The following MYH10 variants were observed in gnomAD, a reference collection of about 807,000 sequenced individuals.
The protein encoded by MYH10 is myosin heavy chain 10.
In MYH10, 55 loss-of-function variants were observed where a neutral mutation model predicts 257.8. The observed-to-expected ratio is 0.21, with a 90% confidence interval of 0.17 to 0.27. The LOEUF is 0.27. MYH10 is among the 10% of genes least tolerant of loss of function. The pLI, the probability that MYH10 is intolerant of heterozygous loss-of-function variation, is 1.00. For missense variants in MYH10, 1,631 were observed against 2,500.6 expected (o/e 0.65, Z 7.42); for synonymous variants, 854 against 921.7 (o/e 0.93, Z 1.33).
At chr17:8,520,062 C>A (rs1218526834) in intron 19 of MYH10, among the ~76,000 whole-genome samples, 1 of 152,048 alleles carries the variant, frequency 6.6e-6, no homozygotes, top group Non-Finnish European at 1.5e-5. Flanking sequence ...TACACACACA[C>A]ATACAGATAT....
At chr17:8,523,271 T>C (rs2081718555) in intron 17 of MYH10, among the ~76,000 whole-genome samples, 1 of 152,244 alleles carries the variant, frequency 6.6e-6, no homozygotes, top group Non-Finnish European at 1.5e-5. Context: ...CATGTCTGCT[T>C]TGACTCAGTG....
intron 6 of MYH10, among the ~76,000 whole-genome samples, chr17:8,572,188 A>G (rs2083366459): frequency 7.1e-6 from 1 of 140,464 alleles, no homozygotes; most frequent in Non-Finnish European, 1.7e-5. Flanking sequence ...TAAAAGGATT[A>G]TTTGAGTCAA....
chr17:8,545,938 G>A lies in MYH10; in HGVS notation c.1279-338C>T, dbSNP rs1314031994. On this transcript the variant is annotated intron_variant, in intron 12 of 42. Transcript: ENST00000360416. The surrounding 1 kb of genome is among the most constrained non-coding windows in gnomAD (Gnocchi z 4.7). Reference sequence around the variant, plus strand: ...ACCCAGCACAAGGACAAGGCGGCAGGGGCCCTTGTGTTGGTCTGGTTCCCG... The same window carrying A: ...ACCCAGCACAAGGACAAGGCGGCAGAGGCCCTTGTGTTGGTCTGGTTCCCG... 2.0e-5 allele frequency among the ~76,000 whole-genome samples: 3 copies of A among 152,114 alleles called. No individual in the cohort carries two copies. Among genetic ancestry groups the A allele is most frequent in the African/African-American group, 7.2e-5 (3 of 41,414 alleles).
At position 8,501,299 on chromosome 17, in the gene MYH10, C is replaced by A. The variant is rs141025566; in HGVS notation, c.3600-329G>T. ...GTGAGACCCTATCTTTAAAAAAAAACCAAAAAAACAAACAACCAGTGCAAC... is the reference window on the plus strand; with the variant it reads ...GTGAGACCCTATCTTTAAAAAAAAAACAAAAAAACAAACAACCAGTGCAAC... On this transcript the variant is annotated intron_variant, in intron 28 of 42. Coordinates refer to ENST00000360416, the MANE Select transcript of MYH10 (RefSeq NM_001256012.3). Among the ~76,000 whole-genome samples, 14 of 151,986 alleles carry A rather than the reference C, an allele frequency of 9.2e-5. No individual in the cohort carries two copies. In the East Asian group the frequency reaches 1.2e-3, roughly 13 times the overall value.
chr17:8,549,534 C>G (rs935989511), intron 9 of MYH10, among the ~76,000 whole-genome samples: 1 of 152,166 alleles, frequency 6.6e-6, no homozygotes, highest in Non-Finnish European at 1.5e-5. Context: ...AAATATGCTC[C>G]CAGCTTTCTT....
At chr17:8,579,621 T>C (rs1037633104) in intron 4 of MYH10, among the ~76,000 whole-genome samples, 1 of 152,226 alleles carries the variant, frequency 6.6e-6, no homozygotes, top group African/African-American at 2.4e-5. Context: ...TATCGTAACA[T>C]TAGTTCCCTT....
intron 37 of MYH10, among the ~76,000 whole-genome samples, chr17:8,483,421 T>A (rs199980704): frequency 7.2e-5 from 11 of 152,204 alleles, no homozygotes; most frequent in East Asian, 3.9e-4. Context: ...GGTTTTGAGT[T>A]CCTTGTTCAT....
chr17:8,545,595 A>G lies in MYH10; in HGVS notation c.1284T>C (p.Asp428=). The G allele has an allele frequency of 1.9e-6, 3 of 1,608,892 alleles. No individual in the cohort carries two copies. Among genetic ancestry groups the G allele is most frequent in the Middle Eastern group, 1.7e-4 (1 of 6,048 alleles). The stretch of plus-strand genomic sequence containing the variant: ...CTTTTGCCAATGCTTCTACTGCAAA[A>G]TCTGCCTGTAATTAAATCACAACAA... ...VQKAQTKEQA[D]FAVEALAKAT... Residue 428 remains aspartate (D), a synonymous_variant, in exon 13 of 43, where the codon GAT becomes GAC. Transcript: ENST00000360416. This position sits in a 1 kb window ranked among gnomAD's most constrained non-coding sequence, Gnocchi z 4.7.
In MYH10 at chr17:8,506,152, G is replaced by A; in HGVS notation, c.3386+166C>T. On this transcript the variant is annotated intron_variant, in intron 27 of 42. Transcript: ENST00000360416. The surrounding 1 kb of genome is among the most constrained non-coding windows in gnomAD (Gnocchi z 5.0). ...GTTTATGAGACTTTCTTGCTGTCCT[G>A]ACACAAATTCTGTACGCCTGGGCTT... The A allele has an allele frequency of 1.7e-6, 1 of 586,346 alleles. No individual in the cohort carries two copies. 36.3% of individuals were successfully genotyped at this position (586,346 alleles called of 1,614,324 possible).
At chr17:8,568,589 A>AG (rs1340871302) in intron 7 of MYH10, among the ~76,000 whole-genome samples, 2 of 152,144 alleles carry the variant, frequency 1.3e-5, no homozygotes, top group African/African-American at 2.4e-5. Flanking sequence ...CAGAGCAGGG[A>AG]GAAAAAAAAG....
chr17:8,569,715 CT>C lies in MYH10; in HGVS notation c.756+4del. ...ATTAAAAGCTTCTGGTGCTTTGAAA[CT>C]TACAAAACGAGATGAGTTATCATTT... On this transcript the variant is annotated splice_donor_region_variant and intron_variant, in intron 7 of 42. Coordinates refer to ENST00000360416, the MANE Select transcript of MYH10 (RefSeq NM_001256012.3). This position sits in a 1 kb window ranked among gnomAD's most constrained non-coding sequence, Gnocchi z 4.1. 1 of 1,592,938 alleles carries C rather than the reference CT, an allele frequency of 6.3e-7. No individual in the cohort carries two copies. Among genetic ancestry groups the C allele is most frequent in the Non-Finnish European group, 8.6e-7 (1 of 1,165,206 alleles).
intron 32 of MYH10, among the ~76,000 whole-genome samples, 188 bp from the exon 33 acceptor site, chr17:8,493,212 C>G (rs1006622177): frequency 6.6e-6 from 1 of 151,968 alleles, no homozygotes; most frequent in Admixed American, 6.6e-5. Context: ...ATACAAAAAT[C>G]GCCTGTCTGT....
intron 36 of MYH10, among the ~76,000 whole-genome samples, chr17:8,486,054 T>TAA (rs1236211488): frequency 1.3e-5 from 2 of 152,190 alleles, no homozygotes; most frequent in African/African-American, 4.8e-5. Context: ...AACATCATGC[T>TAA]AAGTGGAAAA....
At chr17:8,561,222 C>T (rs2151981993) in intron 7 of MYH10, 2 of 788,990 alleles carry the variant, frequency 2.5e-6, no homozygotes, top group African/African-American at 3.4e-5. Flanking sequence ...CCGGTCCGTG[C>T]CTCCAAGATG....
At position 8,569,944 on chromosome 17, in the gene MYH10, T is replaced by C. The variant is rs2083283659; in HGVS notation, c.664-132A>G. The C allele has an allele frequency of 1.6e-6, 1 of 631,734 alleles. No individual in the cohort carries two copies. The highest frequency in any genetic ancestry group is 1.9e-5 in the African/African-American group (1 of 53,564). 39.1% of individuals were successfully genotyped at this position (631,734 alleles called of 1,614,324 possible). The stretch of plus-strand genomic sequence containing the variant: ...CTCAGTTCTTTCATTCTGTCTGCCA[T>C]CCAGCAACTTTTGTTGGCTTCTTAA... On this transcript the variant is annotated intron_variant, in intron 6 of 42. Transcript: ENST00000360416. This position sits in a 1 kb window ranked among gnomAD's most constrained non-coding sequence, Gnocchi z 4.1.
rs1040158943 is a variant in MYH10, at chr17:8,569,090, C to T, written c.756+630G>A. 2.6e-5 allele frequency among the ~76,000 whole-genome samples: 4 copies of T among 151,414 alleles called. 1 individual carries two copies. The highest frequency in any genetic ancestry group is 1.3e-4 in the Admixed American group (2 of 15,220). Reference sequence around the variant, plus strand: ...CTTTTAAATTAGCCTGGTGAAGTAACGTGAGCCTGTAGTCCCGGCTCCTTG... The same window carrying T: ...CTTTTAAATTAGCCTGGTGAAGTAATGTGAGCCTGTAGTCCCGGCTCCTTG... On this transcript the variant is annotated intron_variant, in intron 7 of 42. Coordinates refer to ENST00000360416, the MANE Select transcript of MYH10 (RefSeq NM_001256012.3). The surrounding 1 kb of genome is among the most constrained non-coding windows in gnomAD (Gnocchi z 4.1).
rs189656499 is a variant in MYH10, at chr17:8,544,265, G to A, written c.1431+1183C>T. The stretch of plus-strand genomic sequence containing the variant: ...CACATTTTCCCATCGAGAACAGGGT[G>A]TGTCTCCTCACTTGTTCAAGTCTTC... On this transcript the variant is annotated intron_variant, in intron 13 of 42. Transcript: ENST00000360416. Among the ~76,000 whole-genome samples the A allele has an allele frequency of 9.3e-4, 142 of 152,262 alleles. 1 individual carries two copies. The highest frequency in any genetic ancestry group is 3.4e-3 in the Middle Eastern group (1 of 294).
intron 3 of MYH10, among the ~76,000 whole-genome samples, chr17:8,604,209 C>G (rs1215645580): frequency 6.6e-6 from 1 of 152,102 alleles, no homozygotes; most frequent in Non-Finnish European, 1.5e-5. Flanking sequence ...CCAGGAACTC[C>G]CATGTTTAAA....
chr17:8,612,266 G>C (rs936618177), intron 2 of MYH10, among the ~76,000 whole-genome samples: 11 of 151,228 alleles, frequency 7.3e-5, no homozygotes, highest in Non-Finnish European at 1.5e-4. Flanking sequence ...ATGCCAAAGA[G>C]AAGCCACAAA....
Sources: allele counts gnomAD v4.1 joint callset (sites outside exome capture counted in the v4.1 genomes callset), GRCh38; gene constraint gnomAD v4.1.1; non-coding constraint Gnocchi (gnomAD v3.1); transcripts MANE v1.5; gene names NCBI Gene and HGNC (gene_info 2026-07-23, HGNC 2026-07-21).